The following CDH4 variants were observed in gnomAD, a reference collection of about 807,000 sequenced individuals.
CDH4 encodes the protein cadherin-4.
A neutral mutation model predicts 86.0 loss-of-function variants in CDH4; 33 were observed. That is an observed-to-expected ratio of 0.38 (90% CI 0.29 to 0.51). CDH4 has a LOEUF of 0.51. Among genes scored for constraint, CDH4 ranks in the 20% least tolerant of loss-of-function variants. CDH4 has a pLI of 0.86. For synonymous variants in CDH4, 555 were observed against 549.4 expected (o/e 1.01, Z -0.14); for missense variants, 1,114 against 1,307.4 (o/e 0.85, Z 2.28).
chr20:61,334,358 G>A (rs1331844794), intron 2 of CDH4, among the ~76,000 whole-genome samples: 2 of 152,188 alleles, frequency 1.3e-5, no homozygotes, highest in Non-Finnish European at 2.9e-5. Context: ...GCTCAGAGAG[G>A]TTAAACCGTC....
rs1405240781 is a variant in CDH4, at chr20:61,403,361, G to A, written c.169+148424G>A. ...AGTTGAACCTGCAGTCCTTCATACT[G>A]AGTAACTTATTTTTTCTGGAGCTGC... On this transcript the variant is annotated intron_variant, in intron 2 of 15. Coordinates refer to ENST00000614565, the MANE Select transcript of CDH4 (RefSeq NM_001794.5). Among the ~76,000 whole-genome samples the A allele has an allele frequency of 1.2e-4, 19 of 152,296 alleles. No homozygotes were observed. The East Asian group carries it at 3.5e-3, about 28-fold the overall frequency.
At chr20:61,344,526 A>G (rs1421165108) in intron 2 of CDH4, among the ~76,000 whole-genome samples, 2 of 152,182 alleles carry the variant, frequency 1.3e-5, no homozygotes, top group East Asian at 3.9e-4. Flanking sequence ...TTCTTTTTTC[A>G]TGAATGGCCT....
chr20:61,890,867 CT>C (rs1340966327), intron 7 of CDH4, among the ~76,000 whole-genome samples: 1 of 152,130 alleles, frequency 6.6e-6, no homozygotes, highest in African/African-American at 2.4e-5. Flanking sequence ...GTATCTGGCA[CT>C]TTGGACACAA....
In CDH4 at chr20:61,913,037, G is replaced by A. The variant is rs116735180; in HGVS notation, c.1374+2430G>A. Among the ~76,000 whole-genome samples the A allele has an allele frequency of 7.4e-3, 1,131 of 152,212 alleles. 21 individuals carry two copies. The highest frequency in any genetic ancestry group is 0.026 in the African/African-American group (1,066 of 41,508). On this transcript the variant is annotated intron_variant, in intron 9 of 15. Coordinates refer to ENST00000614565, the MANE Select transcript of CDH4 (RefSeq NM_001794.5). ...GCTGGGGCCTTCCCCAGTGAGTAGC[G>A]AGCCTCGGCCCATCTCCTGCTTGTG...
At chr20:61,739,986 A>G (rs1388178046) in intron 2 of CDH4, among the ~76,000 whole-genome samples, 1 of 152,222 alleles carries the variant, frequency 6.6e-6, no homozygotes, top group Non-Finnish European at 1.5e-5. Flanking sequence ...GCATGCCGAC[A>G]CCCACACATA....
chr20:61,632,473 G>A (rs1033057797), intron 2 of CDH4, among the ~76,000 whole-genome samples: 12 of 152,196 alleles, frequency 7.9e-5, no homozygotes, highest in African/African-American at 2.4e-4. Flanking sequence ...CATCGTTAAC[G>A]CCGGGCCTCC....
At chr20:61,793,697 G>A (rs978798280) in intron 4 of CDH4, among the ~76,000 whole-genome samples, 18 of 151,870 alleles carry the variant, frequency 1.2e-4, no homozygotes, top group South Asian at 2.1e-4. Context: ...AAAATTAGCT[G>A]GGCATGGTGG....
At chr20:61,817,707 A>G (rs1489741307) in intron 4 of CDH4, among the ~76,000 whole-genome samples, 1 of 152,186 alleles carries the variant, frequency 6.6e-6, no homozygotes, top group Non-Finnish European at 1.5e-5. Context: ...CGGGGCATCC[A>G]CACGTGCCGC....
intron 2 of CDH4, among the ~76,000 whole-genome samples, chr20:61,543,325 G>A (rs1185755599): frequency 6.6e-6 from 1 of 152,198 alleles, no homozygotes; most frequent in African/African-American, 2.4e-5. Flanking sequence ...TCTCTAGATG[G>A]GAGTTGGAAC....
In CDH4 at chr20:61,254,914, T is replaced by C; in HGVS notation, c.146T>C (p.Leu49Pro). ...ACGGCATTAATCTCCCAAAATATTC[T>C]AGAAGGGGAAAAGCTACTTCAAGGT... ...DYTALISQNILEGEKLLQVKF... is the reference protein window; with the variant it reads ...DYTALISQNIPEGEKLLQVKF... The change falls in exon 2 of 16, where the codon CTA (leucine) becomes CCA (proline). Residue 49 changes from leucine to proline, a missense_variant. By Grantham distance (98) the Leu-to-Pro change is moderately conservative (BLOSUM62 -3). Transcript: ENST00000614565. 1.2e-6 allele frequency: 2 copies of C among 1,609,968 alleles called. No homozygotes were observed. Among genetic ancestry groups the C allele is most frequent in the Non-Finnish European group, 1.7e-6 (2 of 1,176,314 alleles).
chr20:61,383,045 C>A (rs1183159386), intron 2 of CDH4, among the ~76,000 whole-genome samples: 3 of 138,434 alleles, frequency 2.2e-5, no homozygotes, highest in Non-Finnish European at 4.6e-5. Flanking sequence ...AGGGACAGAA[C>A]TAATGGAATA....
rs909110234 is a variant in CDH4 at position 61,417,950 on chromosome 20, A to G, written c.169+163013A>G. The stretch of plus-strand genomic sequence containing the variant: ...CCCTTGAGTTTTCTGAGGGGTGCAC[A>G]TGTTCTGTTTTAGGGGGATGCTGCA... On this transcript the variant is annotated intron_variant, in intron 2 of 15. Transcript: ENST00000614565. This position sits in a 1 kb window ranked among gnomAD's most constrained non-coding sequence, Gnocchi z 4.0. 6.6e-6 allele frequency among the ~76,000 whole-genome samples: 1 copy of G among 152,014 alleles called. No individual in the cohort carries two copies. Among genetic ancestry groups the G allele is most frequent in the East Asian group, 1.9e-4 (1 of 5,136 alleles).
chr20:61,548,475 G>GCC (rs201126750), intron 2 of CDH4, among the ~76,000 whole-genome samples: 31 of 151,942 alleles, frequency 2.0e-4, no homozygotes, highest in African/African-American at 4.3e-4. Flanking sequence ...TCAGTTCCCC[G>GCC]CCCCCCCATT....
intron 2 of CDH4, among the ~76,000 whole-genome samples, chr20:61,576,325 G>A (rs975770366): frequency 3.9e-5 from 6 of 152,280 alleles, no homozygotes; most frequent in Non-Finnish European, 5.9e-5. Context: ...CCAGCTGATC[G>A]TGTTTGCAGC....
At chr20:61,778,210 C>T (rs1041538249) in intron 4 of CDH4, among the ~76,000 whole-genome samples, 2 of 152,134 alleles carry the variant, frequency 1.3e-5, no homozygotes, top group Admixed American at 6.6e-5. Context: ...GTAGGGGAGA[C>T]GGCTCCTGGA....
intron 2 of CDH4, among the ~76,000 whole-genome samples, chr20:61,551,931 G>A (rs2086133807): frequency 6.6e-6 from 1 of 152,176 alleles, no homozygotes; most frequent in African/African-American, 2.4e-5. Flanking sequence ...ACAGCTACAT[G>A]CAAAGAACGA....
In CDH4 at chr20:61,498,736, A is replaced by G. The variant is rs80151644; in HGVS notation, c.169+243799A>G. Among the ~76,000 whole-genome samples, 380 of 152,312 alleles carry G rather than the reference A, an allele frequency of 2.5e-3. 8 individuals are homozygous for G. In the East Asian group the frequency reaches 0.037, roughly 15 times the overall value. The stretch of plus-strand genomic sequence containing the variant: ...TCTTGGGTCACACATAAAATACACT[A>G]AAGATAGCTGATAAGCTAAAAGAAA... On this transcript the variant is annotated intron_variant, in intron 2 of 15. Transcript: ENST00000614565.
chr20:61,593,408 A>G (rs2086532083), intron 2 of CDH4, among the ~76,000 whole-genome samples: 1 of 152,204 alleles, frequency 6.6e-6, no homozygotes, highest in African/African-American at 2.4e-5. Flanking sequence ...ACTGTTCAGC[A>G]TTTTCAAGAA....
At chr20:61,877,211 C>T (rs1372258441) in intron 7 of CDH4, among the ~76,000 whole-genome samples, 1 of 152,166 alleles carries the variant, frequency 6.6e-6, no homozygotes, top group African/African-American at 2.4e-5. Context: ...GGAGGGCTAG[C>T]AGTCCCAGCC....
Sources: gnomAD v4.1 joint callset for allele counts (sites outside exome capture counted in the v4.1 genomes callset) on GRCh38, gnomAD v4.1.1 for gene constraint, Gnocchi (gnomAD v3.1) non-coding constraint, MANE v1.5 for transcripts, NCBI Gene and HGNC (gene_info 2026-07-23, HGNC 2026-07-21) for gene names.